Variants in ZNF492 observed in about 807,000 individuals in gnomAD.
ZNF492 encodes zinc finger protein 115 (Y20).
Under a neutral mutation model 6.4 loss-of-function variants are expected in ZNF492, and 3 were observed. That is an observed-to-expected ratio of 0.47 (90% CI 0.21 to 1.22). The LOEUF (loss-of-function observed/expected upper bound fraction) is 1.22. ZNF492 is among the 50% of genes most tolerant of loss of function. The probability of loss-of-function intolerance (pLI) is 0.22; values close to 1 mark genes in which losing one functional copy is unlikely to be tolerated. For synonymous variants in ZNF492, 112 were observed against 205.3 expected (o/e 0.55, Z 3.89); for missense variants, 356 against 612.5 (o/e 0.58, Z 4.42).
intron 1 of ZNF492, among the ~76,000 whole-genome samples, chr19:22,647,521 C>A (rs1396828932): frequency 6.6e-6 from 1 of 151,642 alleles, no homozygotes; most frequent in Non-Finnish European, 1.5e-5. Context: ...ATCTCGGCCT[C>A]CCAAAGTGCT....
chr19:22,644,643 G>A (rs1971859688), intron 1 of ZNF492, among the ~76,000 whole-genome samples: 1 of 152,220 alleles, frequency 6.6e-6, no homozygotes, highest in Middle Eastern at 3.4e-3. Context: ...GGGCATTTGG[G>A]TTGTTTCCAT....
At chr19:22,659,808 G>A (rs1460616248) in intron 3 of ZNF492, among the ~76,000 whole-genome samples, 1 of 151,596 alleles carries the variant, frequency 6.6e-6, no homozygotes, top group Non-Finnish European at 1.5e-5. Context: ...TAGGATTACA[G>A]GTGCCCACCA....
At chr19:22,638,854 T>C (rs200003415) in intron 1 of ZNF492, among the ~76,000 whole-genome samples, 4 of 142,186 alleles carry the variant, frequency 2.8e-5, no homozygotes, top group Non-Finnish European at 6.1e-5. Context: ...TGTTTGTTTG[T>C]TTGTTTGAGA....
In ZNF492 at chr19:22,667,064, A is replaced by G. The variant is rs557055929; in HGVS notation, c.*1799A>G. The stretch of plus-strand genomic sequence containing the variant: ...ACCAACATGGAGAAACGCCATCTCT[A>G]CTAAAAATACAAAATTAGCCAGGCA... On this transcript the variant is annotated 3_prime_UTR_variant, in exon 4 of 4. Transcript: ENST00000456783. 1.3e-5 allele frequency: 2 copies of G among 152,260 alleles called. No homozygotes were observed. Among genetic ancestry groups the G allele is most frequent in the East Asian group, 3.9e-4 (2 of 5,174 alleles). The allele number at this position is 152,260 out of a possible 1,614,324, so 9.4% of individuals were successfully genotyped here.
At chr19:22,639,379 G>A (rs1351721673) in intron 1 of ZNF492, among the ~76,000 whole-genome samples, 2 of 151,916 alleles carry the variant, frequency 1.3e-5, no homozygotes, top group Admixed American at 6.6e-5. Context: ...CATTTATTTT[G>A]TATTCTGAAA....
chr19:22,655,550 A>G (rs2915939), intron 3 of ZNF492, among the ~76,000 whole-genome samples: 32 of 150,908 alleles, frequency 2.1e-4, no homozygotes, highest in South Asian at 6.3e-4. Flanking sequence ...ATTTTGCTAA[A>G]TTATTGAGTG....
intron 1 of ZNF492, among the ~76,000 whole-genome samples, chr19:22,636,789 A>T (rs1214322603): frequency 3.4e-5 from 5 of 148,272 alleles, no homozygotes; most frequent in African/African-American, 7.6e-5. Flanking sequence ...ATGCGCCACC[A>T]CGCCCAGCTA....
chr19:22,649,885 G>C (rs532165720), intron 1 of ZNF492, among the ~76,000 whole-genome samples: 18 of 152,196 alleles, frequency 1.2e-4, no homozygotes, highest in African/African-American at 3.9e-4. Context: ...CATTTGGTTA[G>C]AACATGCTCC....
At chr19:22,651,751 T>G in intron 1 of ZNF492, among the ~76,000 whole-genome samples, 1 of 152,112 alleles carries the variant, frequency 6.6e-6, no homozygotes, top group Non-Finnish European at 1.5e-5. Flanking sequence ...GCATGTAATT[T>G]TGAGGTTCCA....
intron 3 of ZNF492, among the ~76,000 whole-genome samples, chr19:22,660,245 G>C (rs569975251): frequency 6.6e-6 from 1 of 152,198 alleles, no homozygotes; most frequent in African/African-American, 2.4e-5. Context: ...CGATTTGAAA[G>C]TTAATTTTAT....
intron 1 of ZNF492, among the ~76,000 whole-genome samples, chr19:22,652,185 C>T: frequency 6.9e-6 from 1 of 145,146 alleles, no homozygotes; most frequent in African/African-American, 2.6e-5. Flanking sequence ...TGTGCATAAA[C>T]AATCACATTT....
intron 3 of ZNF492, among the ~76,000 whole-genome samples, chr19:22,656,673 G>A (rs1971999698): frequency 6.6e-6 from 1 of 152,098 alleles, no homozygotes; most frequent in African/African-American, 2.4e-5. Flanking sequence ...GATGATTGCA[G>A]TGTAAGTTCA....
At position 22,664,990 on chromosome 19, in the gene ZNF492, G is replaced by T. The variant is rs1315788455; in HGVS notation, c.1321G>T (p.Val441Leu). The change falls in exon 4 of 4, where the codon GTA (valine) becomes TTA (leucine). Residue 441 changes from valine to leucine, a missense_variant. This residue lies in a region of ZNF492 where 81 missense variants were observed against 115.4 expected (regional missense o/e 0.70). Transcript: ENST00000456783. ...NQSSTLSKHKVIHTGEKPYKY... is the reference protein window; with the variant it reads ...NQSSTLSKHKLIHTGEKPYKY... ...GTCCTCAACTCTTTCTAAACATAAGGTAATTCATACTGGAGAGAAGCCCTA... is the reference window on the plus strand; with the variant it reads ...GTCCTCAACTCTTTCTAAACATAAGTTAATTCATACTGGAGAGAAGCCCTA... 4.5e-6 allele frequency: 7 copies of T among 1,550,030 alleles called. 1 individual carries two copies. The South Asian group carries it at 7.0e-5, about 15-fold the overall frequency.
intron 1 of ZNF492, among the ~76,000 whole-genome samples, chr19:22,645,695 G>C (rs1204576938): frequency 1.3e-5 from 2 of 152,230 alleles, no homozygotes; most frequent in East Asian, 3.9e-4. Flanking sequence ...GTAAATTTTT[G>C]TATAAGGTGT....
chr19:22,644,652 A>G (rs1211325949), intron 1 of ZNF492, among the ~76,000 whole-genome samples: 1 of 151,992 alleles, frequency 6.6e-6, no homozygotes, highest in African/African-American at 2.4e-5. Context: ...GGTTGTTTCC[A>G]TGTCTTTGCT....
intron 1 of ZNF492, among the ~76,000 whole-genome samples, chr19:22,635,189 T>C (rs925101943): frequency 6.6e-6 from 1 of 152,090 alleles, no homozygotes; most frequent in Non-Finnish European, 1.5e-5. Flanking sequence ...CATTTGAGTT[T>C]GATTTTTTAA....
chr19:22,642,098 C>T (rs1016918178), intron 1 of ZNF492, among the ~76,000 whole-genome samples: 10 of 152,076 alleles, frequency 6.6e-5, no homozygotes, highest in Admixed American at 5.9e-4. Context: ...CGGCCACGCC[C>T]CCATCAGTTT....
At chr19:22,663,512 TAGGGAAGCAGGAAGATCTGCACTG>T (rs1317632944) in intron 3 of ZNF492, among the ~76,000 whole-genome samples, 1 of 152,274 alleles carries the variant, frequency 6.6e-6, no homozygotes, top group African/African-American at 2.4e-5. Flanking sequence ...CTATGTTATA[TAGGGAAGCAGGAAGATCTGCACTG>T]GGTAAATGTA....
rs538993602 is a variant in ZNF492 at position 22,665,410 on chromosome 19, G to A, written c.*145G>A. 7.7e-6 allele frequency: 11 copies of A among 1,433,446 alleles called. No homozygotes were observed. The East Asian group carries it at 2.0e-4, about 26-fold the overall frequency. The allele number at this position is 1,433,446 out of a possible 1,614,324, so 88.8% of individuals were successfully genotyped here. A position where few individuals can be genotyped will look rare whatever the true frequency, so the allele number is the denominator to read the frequency against. On this transcript the variant is annotated 3_prime_UTR_variant, in exon 4 of 4. Transcript: ENST00000456783. ...TGCTCAAACCTTATTGCACAGGAAA[G>A]CCTTTATACTTGAGAACAAATGTAC...
Sources: gnomAD v4.1 joint callset for allele counts (sites outside exome capture counted in the v4.1 genomes callset) on GRCh38, gnomAD v4.1.1 for gene constraint, gnomAD v4.1.1 regional missense constraint, MANE v1.5 for transcripts, NCBI Gene and HGNC (gene_info 2026-07-23, HGNC 2026-07-21) for gene names.